The following CNTFR variants were observed in gnomAD, a reference collection of about 807,000 sequenced individuals.
CNTFR encodes ciliary neurotrophic factor receptor, also known as ciliary neurotrophic factor receptor subunit alpha.
A neutral mutation model predicts 40.4 loss-of-function variants in CNTFR; 12 were observed. That is an observed-to-expected ratio of 0.30 (90% CI 0.19 to 0.48). CNTFR has a LOEUF of 0.48. CNTFR is among the 20% of genes least tolerant of loss of function. The pLI is 0.99. For missense variants in CNTFR, 414 were observed against 506.8 expected (o/e 0.82, Z 1.76); for synonymous variants, 202 against 209.6 (o/e 0.96, Z 0.31).
intron 3 of CNTFR, 40 bp from the exon 4 acceptor site, chr9:34,564,872 C>T (rs374894300): frequency 1.3e-5 from 21 of 1,568,662 alleles, no homozygotes; most frequent in East Asian, 6.8e-5. Context: ...TCACAGGTCA[C>T]AGCCCGGCCC....
chr9:34,580,783 G>A (rs535039322), intron 2 of CNTFR, among the ~76,000 whole-genome samples: 3 of 152,336 alleles, frequency 2.0e-5, no homozygotes, highest in Non-Finnish European at 4.4e-5. Context: ...GGGGCAGAGA[G>A]GAAATCTGAG....
chr9:34,559,905 G>A (rs1416271393), intron 4 of CNTFR, among the ~76,000 whole-genome samples: 2 of 152,028 alleles, frequency 1.3e-5, no homozygotes, highest in African/African-American at 2.4e-5. Context: ...CTCCCCGACT[G>A]TCCTCCCCCC....
At chr9:34,553,408 C>T (rs963229530) in intron 7 of CNTFR, among the ~76,000 whole-genome samples, 7 of 152,144 alleles carry the variant, frequency 4.6e-5, no homozygotes, top group East Asian at 1.9e-4. Context: ...ATCTGTAAAA[C>T]GGCATTCATG....
chr9:34,564,856 CA>C, intron 3 of CNTFR, 24 bp from the exon 4 acceptor site: 1 of 1,604,426 alleles, frequency 6.2e-7, no homozygotes. Context: ...GGGCACAGGG[CA>C]AAAGTCACAG....
chr9:34,575,853 A>C (rs1587159215), intron 2 of CNTFR, among the ~76,000 whole-genome samples: 1 of 152,198 alleles, frequency 6.6e-6, no homozygotes, highest in Non-Finnish European at 1.5e-5. Flanking sequence ...CCTAACGTGC[A>C]TATGCACCAT....
chr9:34,555,022 G>A (rs898222752), intron 7 of CNTFR, among the ~76,000 whole-genome samples: 2 of 152,264 alleles, frequency 1.3e-5, no homozygotes, highest in Non-Finnish European at 2.9e-5. Context: ...TATGGTGTAC[G>A]GTTCCCGCTG....
At chr9:34,556,485 C>A (rs888272764) in intron 6 of CNTFR, 67 bp from the exon 7 acceptor site, 8 of 1,483,552 alleles carry the variant, frequency 5.4e-6, no homozygotes, top group Admixed American at 2.0e-5. Flanking sequence ...TCAACTCCAG[C>A]CACCATGTTG....
At chr9:34,575,965 T>C (rs1389804462) in intron 2 of CNTFR, among the ~76,000 whole-genome samples, 2 of 150,508 alleles carry the variant, frequency 1.3e-5, no homozygotes, top group African/African-American at 4.9e-5. Context: ...CAGCAATCTG[T>C]TCCTGATGGG....
rs536654826 is a variant in CNTFR, at chr9:34,575,671, C to CA, written c.-1+5423_-1+5424insT. 6.2e-3 allele frequency among the ~76,000 whole-genome samples: 886 copies of CA among 142,564 alleles called. 9 individuals are homozygous for CA. The highest frequency in any genetic ancestry group is 0.022 in the African/African-American group (841 of 37,606). 93.5% of individuals were successfully genotyped at this position (142,564 alleles called of 152,430 possible). ...CATGCAAGCAAGCTCACACACACAC[C>CA]CACCCACCCACCCACCCACACACAC... is the stretch of plus-strand genomic sequence containing the variant. On this transcript the variant is annotated intron_variant, in intron 2 of 9. Coordinates refer to ENST00000378980, the MANE Select transcript of CNTFR (RefSeq NM_147164.3).
At position 34,556,395 on chromosome 9, in the gene CNTFR, C is replaced by T; in HGVS notation, c.628G>A (p.Val210Met). 6.2e-7 allele frequency: 1 copy of T among 1,612,130 alleles called. No individual in the cohort carries two copies. Among genetic ancestry groups the T allele is most frequent in the Non-Finnish European group, 8.5e-7 (1 of 1,178,760 alleles). ...TIVKPDPPENVVARPVPSNPR... is the reference protein window; with the variant it reads ...TIVKPDPPENMVARPVPSNPR... Reference sequence around the variant, plus strand: ...TTGCTGGGCACTGGCCGGGCTACCACATTTTCTGGAGGATCAGGCTTCACT... The same window carrying T: ...TTGCTGGGCACTGGCCGGGCTACCATATTTTCTGGAGGATCAGGCTTCACT... The change falls in exon 7 of 10, where the codon GTG becomes ATG. Residue 210 changes from valine (V) to methionine (M), a missense_variant. Around this residue, in one of 3 missense-constraint regions of CNTFR, gnomAD observed 83 missense variants for 145.0 expected, o/e 0.57. Transcript: ENST00000378980.
intron 2 of CNTFR, among the ~76,000 whole-genome samples, chr9:34,577,723 A>G (rs1444252238): frequency 9.9e-5 from 15 of 152,108 alleles, no homozygotes; most frequent in Non-Finnish European, 1.9e-4. Flanking sequence ...CCCCTCTCAG[A>G]GGCCTGGTCC....
chr9:34,561,893 G>A (rs924239196), intron 4 of CNTFR, among the ~76,000 whole-genome samples: 10 of 152,218 alleles, frequency 6.6e-5, no homozygotes, highest in African/African-American at 2.4e-4. Context: ...TGAAACTAAT[G>A]CTACAGCCAA....
At chr9:34,565,063 G>A (rs1307021157) in intron 3 of CNTFR, among the ~76,000 whole-genome samples, 2 of 152,150 alleles carry the variant, frequency 1.3e-5, no homozygotes, top group Non-Finnish European at 2.9e-5. Context: ...CATGTACAGG[G>A]GCTAGGTATG....
At chr9:34,575,153 T>A (rs117418947) in intron 2 of CNTFR, among the ~76,000 whole-genome samples, 3,840 of 152,302 alleles carry the variant, frequency 0.025, 82 homozygotes, top group Admixed American at 0.052. Context: ...ATCCTCCCTT[T>A]GGACACATAG....
chr9:34,574,849 G>A (rs762492304), intron 2 of CNTFR, among the ~76,000 whole-genome samples: 10 of 152,338 alleles, frequency 6.6e-5, no homozygotes, highest in East Asian at 1.9e-4. Context: ...ACGTGTGTGC[G>A]GGCGTGTTGT....
At position 34,556,242 on chromosome 9, in the gene CNTFR, G is replaced by A. The variant is rs989615928; in HGVS notation, c.768+13C>T. 6 of 1,604,728 alleles carry A rather than the reference G, an allele frequency of 3.7e-6. No individual in the cohort carries two copies. Among genetic ancestry groups the A allele is most frequent in the Admixed American group, 1.8e-5 (1 of 56,876 alleles). On this transcript the variant is annotated intron_variant, in intron 7 of 9. Transcript: ENST00000378980. ...CTCAGGCACCCAGGATCTTGGCCGGGCAGGGCACTCACATGCTGCCACTGG... is the reference window on the plus strand; with the variant it reads ...CTCAGGCACCCAGGATCTTGGCCGGACAGGGCACTCACATGCTGCCACTGG...
chr9:34,559,326 CCAGA>C (rs1825975749), intron 4 of CNTFR, among the ~76,000 whole-genome samples: 1 of 152,146 alleles, frequency 6.6e-6, no homozygotes, highest in Admixed American at 6.5e-5. Flanking sequence ...CCCCCAGGAT[CCAGA>C]TCTAGCTTTG....
chr9:34,565,497 G>A (rs1036280236), intron 3 of CNTFR, among the ~76,000 whole-genome samples: 1 of 152,130 alleles, frequency 6.6e-6, no homozygotes, highest in African/African-American at 2.4e-5. Context: ...AGAATGGGCA[G>A]CAGGGAACCC....
intron 2 of CNTFR, among the ~76,000 whole-genome samples, chr9:34,576,737 A>G (rs953536463): frequency 6.6e-6 from 1 of 152,234 alleles, no homozygotes; most frequent in Non-Finnish European, 1.5e-5. Context: ...TGGAATCAGC[A>G]AGAGCCAGAA....
Sources: gnomAD v4.1 joint callset for allele counts (sites outside exome capture counted in the v4.1 genomes callset) on GRCh38, gnomAD v4.1.1 for gene constraint, gnomAD v4.1.1 regional missense constraint, MANE v1.5 for transcripts, NCBI Gene and HGNC (gene_info 2026-07-23, HGNC 2026-07-21) for gene names.